Variants in CLNK observed in about 807,000 individuals in gnomAD.
The protein encoded by CLNK is cytokine-dependent hematopoietic cell linker.
CLNK carries 74 observed loss-of-function variants against 68.6 expected under a neutral mutation model. That is an observed-to-expected ratio of 1.08 (90% CI 0.89 to 1.31). CLNK has a LOEUF of 1.31. Ranked by LOEUF, CLNK falls within the 50% of genes most tolerant of loss-of-function variation. CLNK has a pLI of 0.00. For synonymous variants in CLNK, 198 were observed against 172.2 expected, an observed-to-expected ratio of 1.15 and a Z score of -1.17; for missense variants, 553 against 515.3, an observed-to-expected ratio of 1.07 and a Z score of -0.71.
intron 18 of CLNK, among the ~76,000 whole-genome samples, chr4:10,497,948 C>A (rs1258666577): frequency 6.6e-6 from 1 of 152,256 alleles, no homozygotes. Context: ...GTAATCCCAG[C>A]ACTTTGGGAG....
In CLNK at chr4:10,552,676, T is replaced by TC. The variant is rs1266857088; in HGVS notation, c.445+5730dup. 1.5e-4 allele frequency among the ~76,000 whole-genome samples: 23 copies of TC among 151,972 alleles called. 1 individual carries two copies. In the East Asian group the frequency reaches 4.5e-3, roughly 30 times the overall value. ...ACCTGTTACCTGCCCTCCCATCCCT[T>TC]CCCCCAAACTGCCTTTGGAAACCGC... On this transcript the variant is annotated intron_variant, in intron 8 of 18. Transcript: ENST00000226951.
chr4:10,538,038 G>T (rs1381053268), intron 11 of CLNK, among the ~76,000 whole-genome samples: 1 of 151,962 alleles, frequency 6.6e-6, no homozygotes, highest in Non-Finnish European at 1.5e-5. Context: ...GTTCTTTCCA[G>T]CATGAGGAAA....
At chr4:10,506,775 C>T (rs186608721) in intron 17 of CLNK, among the ~76,000 whole-genome samples, 3 of 152,252 alleles carry the variant, frequency 2.0e-5, no homozygotes, top group Admixed American at 1.3e-4. Context: ...ATTAGCATGA[C>T]CAAGCCTCAG....
chr4:10,514,344 C>G (rs1717737984), intron 15 of CLNK, among the ~76,000 whole-genome samples: 1 of 152,084 alleles, frequency 6.6e-6, no homozygotes, highest in South Asian at 2.1e-4. Flanking sequence ...TTTATAGCAG[C>G]ATAATTTATA....
At chr4:10,680,556 A>G (rs1380146155) in intron 1 of CLNK, among the ~76,000 whole-genome samples, 1 of 152,194 alleles carries the variant, frequency 6.6e-6, no homozygotes, top group African/African-American at 2.4e-5. Flanking sequence ...ACAAAGGCCA[A>G]GAATCTAAGG....
intron 4 of CLNK, among the ~76,000 whole-genome samples, chr4:10,579,066 G>A (rs145396104): frequency 1.3e-5 from 2 of 152,320 alleles, no homozygotes; most frequent in East Asian, 3.9e-4. Context: ...TGGATTGACA[G>A]CCCCATGCAC....
At chr4:10,600,608 C>T (rs894892303) in intron 2 of CLNK, among the ~76,000 whole-genome samples, 1 of 152,186 alleles carries the variant, frequency 6.6e-6, no homozygotes, top group Non-Finnish European at 1.5e-5. Context: ...ATCTTTTTCT[C>T]TCCTAGAACA....
At chr4:10,549,768 A>G (rs759084195) in intron 8 of CLNK, among the ~76,000 whole-genome samples, 3 of 152,238 alleles carry the variant, frequency 2.0e-5, no homozygotes, top group Non-Finnish European at 4.4e-5. Context: ...TCTGTCAAAC[A>G]AGAGGACCCA....
chr4:10,493,222 G>A (rs1716656030), intron 18 of CLNK, among the ~76,000 whole-genome samples: 1 of 152,194 alleles, frequency 6.6e-6, no homozygotes, highest in African/African-American at 2.4e-5. Context: ...GGAGGCTGAG[G>A]CAGGAGAATC....
chr4:10,602,973 G>A (rs772218200), intron 2 of CLNK, among the ~76,000 whole-genome samples: 7 of 152,202 alleles, frequency 4.6e-5, no homozygotes, highest in Non-Finnish European at 7.4e-5. Context: ...AGCCTACTCC[G>A]AGAGTTAAAG....
chr4:10,659,147 G>A (rs974366355), intron 2 of CLNK, among the ~76,000 whole-genome samples: 3 of 152,174 alleles, frequency 2.0e-5, no homozygotes, highest in African/African-American at 2.4e-5. Flanking sequence ...GTTGCAATGA[G>A]CTGAGATCGT....
At chr4:10,494,479 A>G (rs1716723063) in intron 18 of CLNK, among the ~76,000 whole-genome samples, 2 of 143,190 alleles carry the variant, frequency 1.4e-5, no homozygotes, top group Admixed American at 1.4e-4. Flanking sequence ...TTTTTTTGAG[A>G]TGGAGTCTCA....
intron 2 of CLNK, among the ~76,000 whole-genome samples, chr4:10,623,531 C>T (rs1255134031): frequency 6.6e-6 from 1 of 152,166 alleles, no homozygotes; most frequent in African/African-American, 2.4e-5. Flanking sequence ...TTCTAAGCCT[C>T]CAATTCCTCA....
At chr4:10,608,681 T>A (rs961203356) in intron 2 of CLNK, among the ~76,000 whole-genome samples, 1 of 152,220 alleles carries the variant, frequency 6.6e-6, no homozygotes, top group Non-Finnish European at 1.5e-5. Flanking sequence ...AAAACCCTCA[T>A]GTTATTCTGA....
intron 18 of CLNK, among the ~76,000 whole-genome samples, chr4:10,496,915 C>G (rs1716831432): frequency 6.6e-6 from 1 of 152,196 alleles, no homozygotes; most frequent in African/African-American, 2.4e-5. Context: ...TATGCCGGGG[C>G]CCGCTCCCAC....
chr4:10,630,450 C>T (rs1304407549), intron 2 of CLNK, among the ~76,000 whole-genome samples: 1 of 152,104 alleles, frequency 6.6e-6, no homozygotes, highest in Admixed American at 6.5e-5. Flanking sequence ...AGCTCAGAGT[C>T]GTTTCCACTC....
At chr4:10,571,645 T>C (rs1237364540) in intron 5 of CLNK, 96 bp downstream of exon 5, 1 of 1,042,662 alleles carries the variant, frequency 9.6e-7, no homozygotes, top group Non-Finnish European at 1.5e-6. Flanking sequence ...CTGTTACTGT[T>C]GATTTTTAAA....
chr4:10,503,918 G>T (rs1237631354), intron 17 of CLNK, among the ~76,000 whole-genome samples: 1 of 149,970 alleles, frequency 6.7e-6, no homozygotes, highest in African/African-American at 2.5e-5. Flanking sequence ...GAGTAGCTGG[G>T]ATAACAGGCA....
chr4:10,628,431 A>G (rs1722760308), intron 2 of CLNK, among the ~76,000 whole-genome samples: 1 of 152,050 alleles, frequency 6.6e-6, no homozygotes, highest in African/African-American at 2.4e-5. Flanking sequence ...CATTTATGAG[A>G]TTAGTTACAT....
Sources: allele counts gnomAD v4.1 joint callset (sites outside exome capture counted in the v4.1 genomes callset), GRCh38; gene constraint gnomAD v4.1.1; transcripts MANE v1.5; gene names NCBI Gene and HGNC (gene_info 2026-07-23, HGNC 2026-07-21).